SLC16A10: variants seen among roughly 807,000 people sequenced by gnomAD.
The protein encoded by SLC16A10 is solute carrier family 16 member 10.
Under a neutral mutation model 40.0 loss-of-function variants are expected in SLC16A10, and 27 were observed. The observed-to-expected ratio is 0.67, with a 90% CI of 0.50 to 0.93. The LOEUF is 0.93. SLC16A10 is among the 40% of genes least tolerant of loss of function. SLC16A10 has a pLI of 0.00. For synonymous variants in SLC16A10, 213 were observed against 249.8 expected, an observed-to-expected ratio of 0.85 and a Z score of 1.39; for missense variants, 529 against 658.2, an observed-to-expected ratio of 0.80 and a Z score of 2.15.
At chr6:111,139,879 C>T (rs759309443) in intron 1 of SLC16A10, among the ~76,000 whole-genome samples, 2 of 152,210 alleles carry the variant, frequency 1.3e-5, no homozygotes, top group Non-Finnish European at 2.9e-5. Flanking sequence ...TACACTCATA[C>T]AGTATATAAG....
intron 5 of SLC16A10, among the ~76,000 whole-genome samples, chr6:111,219,602 T>C (rs374895185): frequency 6.7e-6 from 1 of 149,712 alleles, no homozygotes; most frequent in Non-Finnish European, 1.5e-5. Flanking sequence ...CCCTGAGGAG[T>C]AGTTGATGAA....
Position 111,206,729 on chromosome 6 carries a change from T to G in SLC16A10, c.1080T>G (p.Tyr360Ter). Residue 360 changes from tyrosine to a stop codon, truncating the protein, a stop_gained, in exon 4 of 6, where the codon TAT becomes TAG. Transcript: ENST00000368851. LOFTEE classifies it high-confidence loss of function. ...ATGTGCCTGGTGTGAAGAAGGTTTA[T>G]CTACAGGTACTTTTTTACACCTTTT... ...ADYVPGVKKV[Y>*]LQVLSFFFIG... 1 of 1,613,024 alleles carries G rather than the reference T, an allele frequency of 6.2e-7. No homozygotes were observed. Among genetic ancestry groups the G allele is most frequent in the Non-Finnish European group, 8.5e-7 (1 of 1,179,798 alleles).
intron 5 of SLC16A10, among the ~76,000 whole-genome samples, chr6:111,220,007 T>C (rs1299021735): frequency 6.6e-6 from 1 of 152,238 alleles, no homozygotes; most frequent in Admixed American, 6.5e-5. Context: ...GAGGATCTAT[T>C]GCGCCTGGGA....
In SLC16A10 at chr6:111,222,290, C is replaced by A; in HGVS notation, c.*55C>A. Reference sequence around the variant, plus strand: ...TGCTTTTTGAATTTTAAGCAAGTTTCCTTTCCTTTTATACAAATTGCAAAT... The same window carrying A: ...TGCTTTTTGAATTTTAAGCAAGTTTACTTTCCTTTTATACAAATTGCAAAT... On this transcript the variant is annotated 3_prime_UTR_variant, in exon 6 of 6. Transcript: ENST00000368851. 6.5e-7 allele frequency: 1 copy of A among 1,533,902 alleles called. No homozygotes were observed. The highest frequency in any genetic ancestry group is 1.3e-5 in the South Asian group (1 of 76,538).
intron 1 of SLC16A10, among the ~76,000 whole-genome samples, chr6:111,090,336 T>C (rs1179532444): frequency 6.6e-6 from 1 of 152,202 alleles, no homozygotes; most frequent in African/African-American, 2.4e-5. Context: ...GGTGCCCAAC[T>C]CAGGGGTAAG....
intron 1 of SLC16A10, among the ~76,000 whole-genome samples, chr6:111,161,242 A>G (rs968330659): frequency 3.3e-5 from 5 of 151,246 alleles, no homozygotes; most frequent in African/African-American, 1.2e-4. Flanking sequence ...AAAAAAAAAA[A>G]AAAAGAAAGG....
intron 3 of SLC16A10, among the ~76,000 whole-genome samples, chr6:111,184,899 A>G (rs1413466918): frequency 2.6e-5 from 4 of 152,210 alleles, no homozygotes; most frequent in Non-Finnish European, 5.9e-5. Flanking sequence ...CCAAGGGTCA[A>G]TCAACACTGG....
chr6:111,179,638 T>TA (rs1418066282), intron 3 of SLC16A10, among the ~76,000 whole-genome samples: 1 of 152,232 alleles, frequency 6.6e-6, no homozygotes, highest in Non-Finnish European at 1.5e-5. Flanking sequence ...ATGTTATAGA[T>TA]ACTTTTGTGA....
chr6:111,212,800 T>TA (rs777927203), intron 4 of SLC16A10, among the ~76,000 whole-genome samples: 21 of 56,908 alleles, frequency 3.7e-4, no homozygotes, highest in Admixed American at 7.3e-4. Flanking sequence ...CTCAAAAAAA[T>TA]AAAAAAATAA....
intron 1 of SLC16A10, among the ~76,000 whole-genome samples, chr6:111,131,290 G>T (rs1274352020): frequency 6.6e-6 from 1 of 152,204 alleles, no homozygotes; most frequent in African/African-American, 2.4e-5. Context: ...TCCTGCACGG[G>T]CTAAGTGCCC....
At chr6:111,123,025 C>T (rs1771612100) in intron 1 of SLC16A10, among the ~76,000 whole-genome samples, 1 of 152,142 alleles carries the variant, frequency 6.6e-6, no homozygotes, top group Admixed American at 6.5e-5. Flanking sequence ...TTGCCTTTCA[C>T]TCACATGTTG....
chr6:111,131,962 A>G (rs1378475093), intron 1 of SLC16A10, among the ~76,000 whole-genome samples: 1 of 152,162 alleles, frequency 6.6e-6, no homozygotes, highest in East Asian at 1.9e-4. Context: ...CCTGCCTCCT[A>G]GGTACTAATG....
chr6:111,124,078 G>A (rs1337912966), intron 1 of SLC16A10, among the ~76,000 whole-genome samples: 1 of 152,148 alleles, frequency 6.6e-6, no homozygotes, highest in Non-Finnish European at 1.5e-5. Context: ...TGAGGTCCTA[G>A]GAGAAGATTG....
chr6:111,193,999 G>A (rs1404205957), intron 3 of SLC16A10, among the ~76,000 whole-genome samples: 3 of 152,162 alleles, frequency 2.0e-5, no homozygotes, highest in African/African-American at 7.2e-5. Context: ...GAAGAAATGG[G>A]TAGGATAGAC....
intron 1 of SLC16A10, among the ~76,000 whole-genome samples, chr6:111,094,993 G>C (rs80234156): frequency 0.023 from 3,446 of 152,222 alleles, 134 homozygotes; most frequent in African/African-American, 0.077. Context: ...AGGATTGCTT[G>C]TCCTCAGTTG....
At chr6:111,203,256 C>T (rs1329198976) in intron 3 of SLC16A10, among the ~76,000 whole-genome samples, 1 of 152,148 alleles carries the variant, frequency 6.6e-6, no homozygotes, top group African/African-American at 2.4e-5. Context: ...ACATACCAGA[C>T]CTCCTGGGTA....
At position 111,180,773 on chromosome 6, in the gene SLC16A10, C is replaced by T. The variant is rs759884774; in HGVS notation, c.942+3108C>T. 5.3e-5 allele frequency among the ~76,000 whole-genome samples: 8 copies of T among 152,158 alleles called. No homozygotes were observed. The South Asian group carries it at 6.2e-4, about 12-fold the overall frequency. Reference sequence around the variant, plus strand: ...GGTGTGCTATGATTGTGCCACTGCACGCCAGCCTGGGTAACAGAGCAAGAC... The same window carrying T: ...GGTGTGCTATGATTGTGCCACTGCATGCCAGCCTGGGTAACAGAGCAAGAC... On this transcript the variant is annotated intron_variant, in intron 3 of 5. Coordinates refer to ENST00000368851, the MANE Select transcript of SLC16A10 (RefSeq NM_018593.5).
chr6:111,219,288 G>A (rs1770842407), intron 5 of SLC16A10, among the ~76,000 whole-genome samples: 1 of 152,114 alleles, frequency 6.6e-6, no homozygotes, highest in Non-Finnish European at 1.5e-5. Context: ...TTGGGAGGCT[G>A]AGGCGGGAAG....
chr6:111,177,071 AT>A (rs773411509), intron 2 of SLC16A10, 140 bp from the exon 3 acceptor site: 50,679 of 381,388 alleles, frequency 0.13, 2 homozygotes, highest in East Asian at 0.18. Flanking sequence ...ATTTTGGTTA[AT>A]TTTTTTTTTT....
Sources: gnomAD v4.1 joint callset for allele counts (sites outside exome capture counted in the v4.1 genomes callset) on GRCh38, gnomAD v4.1.1 for gene constraint, MANE v1.5 for transcripts, NCBI Gene and HGNC (gene_info 2026-07-23, HGNC 2026-07-21) for gene names.